ERMP1: variants seen among roughly 807,000 people sequenced by gnomAD.
ERMP1 encodes Felix-ina.
Under a neutral mutation model 92.0 loss-of-function variants are expected in ERMP1, and 86 were observed. The observed-to-expected ratio is 0.93, with a 90% confidence interval of 0.79 to 1.12. The LOEUF (loss-of-function observed/expected upper bound fraction) is 1.12, where lower values mean the gene tolerates loss of function less well. ERMP1 is among the 50% of genes most tolerant of loss of function. The pLI, the probability that ERMP1 is intolerant of heterozygous loss-of-function variation, is 0.00. For synonymous variants in ERMP1, 530 were observed against 412.8 expected, an observed-to-expected ratio of 1.28 and a Z score of -3.44; for missense variants, 1,342 against 1,116.3, an observed-to-expected ratio of 1.20 and a Z score of -2.88.
chr9:5,858,132 T>C (rs1178992402), intron 6 of ERMP1, among the ~76,000 whole-genome samples: 1 of 152,100 alleles, frequency 6.6e-6, no homozygotes, highest in African/African-American at 2.4e-5. Context: ...GGGGAACAAG[T>C]AGGGCAGTGA....
Position 5,810,136 on chromosome 9 carries a change from T to A in ERMP1, c.1423A>T (p.Ile475Phe). Residue 475 changes from isoleucine to phenylalanine, a missense_variant, in exon 8 of 15, where the codon ATC (isoleucine) becomes TTC (phenylalanine). Ile to Phe is a conservative substitution (Grantham distance 21, BLOSUM62 0). Coordinates refer to ENST00000339450, the MANE Select transcript of ERMP1 (RefSeq NM_024896.3). ...LVTVLIIAVFISLIGQSLSWY... is the reference protein window; with the variant it reads ...LVTVLIIAVFFSLIGQSLSWY... ...GAGAGAGACTGTCCAATAAGAGAGATGAACACTGCTATAATGAGAACGGTA... is the reference window on the plus strand; with the variant it reads ...GAGAGAGACTGTCCAATAAGAGAGAAGAACACTGCTATAATGAGAACGGTA... The A allele has an allele frequency of 6.2e-7, 1 of 1,613,980 alleles. No homozygotes were observed. The highest frequency in any genetic ancestry group is 8.5e-7 in the Non-Finnish European group (1 of 1,179,890).
At chr9:5,832,168 C>G (rs1829966261) in intron 1 of ERMP1, among the ~76,000 whole-genome samples, 1 of 151,764 alleles carries the variant, frequency 6.6e-6, no homozygotes, top group East Asian at 1.9e-4. Flanking sequence ...GAGAATTTAT[C>G]AGACTGCATA....
chr9:5,810,375 T>C (rs755422670), intron 7 of ERMP1, 144 bp from the exon 8 acceptor site: 55 of 618,658 alleles, frequency 8.9e-5, no homozygotes, highest in Admixed American at 7.0e-4. Flanking sequence ...AGTGTTGAGA[T>C]TGGCCAAACA....
chr9:5,863,424 C>T (rs1393582411), intron 5 of ERMP1, among the ~76,000 whole-genome samples: 3 of 152,148 alleles, frequency 2.0e-5, no homozygotes, highest in African/African-American at 7.2e-5. Context: ...TGCATCAAGG[C>T]TACTGTTGTT....
rs184943941 is a variant in ERMP1 at position 5,789,903 on chromosome 9, C to T, written c.2387-2310G>A. 7.3e-4 allele frequency among the ~76,000 whole-genome samples: 106 copies of T among 145,938 alleles called. 3 individuals are homozygous for T. In the East Asian group the frequency reaches 0.019, roughly 26 times the overall value. Reference sequence around the variant, plus strand: ...CTCCCCGTGTTGCCCAGGCTGGTCTCGAGCTCCTGGGCTCAAGCCATCCTC... The same window carrying T: ...CTCCCCGTGTTGCCCAGGCTGGTCTTGAGCTCCTGGGCTCAAGCCATCCTC... On this transcript the variant is annotated intron_variant, in intron 13 of 14. Coordinates refer to ENST00000339450, the MANE Select transcript of ERMP1 (RefSeq NM_024896.3).
chr9:5,789,600 A>C (rs980996362), intron 13 of ERMP1, among the ~76,000 whole-genome samples: 2 of 152,236 alleles, frequency 1.3e-5, no homozygotes, highest in Admixed American at 6.5e-5. Context: ...GTTCGAGTGC[A>C]GTGGTGTGAA....
intron 5 of ERMP1, among the ~76,000 whole-genome samples, chr9:5,861,414 G>GT (rs144100989): frequency 0.038 from 5,802 of 151,184 alleles, 264 homozygotes; most frequent in African/African-American, 0.11. Flanking sequence ...TACTTGCTGG[G>GT]TTTTTTTTTA....
chr9:5,813,774 T>C (rs937772969), intron 4 of ERMP1, among the ~76,000 whole-genome samples: 2 of 151,192 alleles, frequency 1.3e-5, no homozygotes, highest in Non-Finnish European at 3.0e-5. Context: ...TATTAATAAT[T>C]TTCCATCTGT....
intron 4 of ERMP1, among the ~76,000 whole-genome samples, chr9:5,814,401 A>G (rs1193719560): frequency 6.6e-6 from 1 of 152,196 alleles, no homozygotes; most frequent in Admixed American, 6.5e-5. Flanking sequence ...ATCTAAGAAT[A>G]TTGTTTTTTT....
At chr9:5,859,515 C>T (rs1262855260) in exon 6 of ERMP1, among the ~76,000 whole-genome samples, 1 of 152,224 alleles carries the variant, frequency 6.6e-6, no homozygotes, top group Non-Finnish European at 1.5e-5. Context: ...TCTCTTCCTC[C>T]TGGCCTAGAA....
At chr9:5,801,097 G>A (rs891018418) in intron 11 of ERMP1, 79 bp downstream of exon 11, 50 of 1,446,142 alleles carry the variant, frequency 3.5e-5, no homozygotes, top group African/African-American at 2.4e-4. Flanking sequence ...AGTCAGCTGC[G>A]CTTGCTATTC....
chr9:5,838,816 C>T (rs6477002), intron 6 of ERMP1, among the ~76,000 whole-genome samples: 144,333 of 152,098 alleles, frequency 0.95, 68,912 homozygotes, highest in East Asian at 1. Context: ...AAAAAAAAGA[C>T]ACAAAATGGA....
intron 5 of ERMP1, among the ~76,000 whole-genome samples, chr9:5,863,462 A>T (rs918739356): frequency 1.3e-5 from 2 of 152,186 alleles, no homozygotes; most frequent in African/African-American, 4.8e-5. Flanking sequence ...TGAAAATGAT[A>T]AGAACCAGAG....
intron 6 of ERMP1, among the ~76,000 whole-genome samples, chr9:5,851,845 A>G (rs1158893780): frequency 6.6e-6 from 1 of 152,224 alleles, no homozygotes; most frequent in East Asian, 1.9e-4. Context: ...TGATTTACAA[A>G]GGAATATTAC....
rs554983063 is a variant in ERMP1 at position 5,832,742 on chromosome 9, C to G, written c.286G>C (p.Val96Leu). Residue 96 changes from valine to leucine, a missense_variant, in exon 1 of 15, where the codon GTG (valine) becomes CTG (leucine). Coordinates refer to ENST00000339450, the MANE Select transcript of ERMP1 (RefSeq NM_024896.3). ...CGGTGTCCAGCGGCCCCGCGTAGCA[C>G]GAGCTGCTGCAGCGAGAGCTGCACC... ...TLVQLSLQQL[V>L]LRGAAGHRGE... is the part of the protein sequence containing the mutation. The G allele has an allele frequency of 1.1e-5, 17 of 1,496,826 alleles. No homozygotes were observed. In the East Asian group the frequency reaches 2.6e-4, roughly 23 times the overall value. 92.7% of individuals were successfully genotyped at this position (1,496,826 alleles called of 1,614,324 possible).
chr9:5,857,252 G>A (rs1830387731), intron 6 of ERMP1, among the ~76,000 whole-genome samples: 1 of 152,084 alleles, frequency 6.6e-6, no homozygotes, highest in African/African-American at 2.4e-5. Context: ...AAACCCCTGA[G>A]CTCAAGGGAT....
At chr9:5,788,823 GA>G (rs1200021294) in intron 13 of ERMP1, among the ~76,000 whole-genome samples, 1 of 152,070 alleles carries the variant, frequency 6.6e-6, no homozygotes, top group East Asian at 1.9e-4. Flanking sequence ...ATTCTTACTA[GA>G]AGGAAGAATT....
upstream of ERMP1, among the ~76,000 whole-genome samples, chr9:5,834,977 A>ATGTGTG (rs71326191): frequency 6.8e-3 from 847 of 125,172 alleles, 11 homozygotes; most frequent in African/African-American, 9.4e-3. Context: ...GGATAGATAG[A>ATGTGTG]TGTGTGTGTG....
At position 5,799,016 on chromosome 9, in the gene ERMP1, A is replaced by G. The variant is rs1828562419; in HGVS notation, c.2068-8T>C. 6.2e-7 allele frequency: 1 copy of G among 1,610,722 alleles called. No homozygotes were observed. The highest frequency in any genetic ancestry group is 1.7e-5 in the Admixed American group (1 of 59,920). On this transcript the variant is annotated splice_region_variant and splice_polypyrimidine_tract_variant and intron_variant, in intron 11 of 14. Coordinates refer to ENST00000339450, the MANE Select transcript of ERMP1 (RefSeq NM_024896.3). ...GAATGTTCTAGTCATATGCTGAAAAAAAAAGACTAGTGAAAAAACTGTTTC... is the reference window on the plus strand; with the variant it reads ...GAATGTTCTAGTCATATGCTGAAAAGAAAAGACTAGTGAAAAAACTGTTTC...
Sources: allele counts gnomAD v4.1 joint callset (sites outside exome capture counted in the v4.1 genomes callset), GRCh38; gene constraint gnomAD v4.1.1; transcripts MANE v1.5; gene names NCBI Gene and HGNC (gene_info 2026-07-23, HGNC 2026-07-21).